The following TAOK1 variants were observed in gnomAD, a reference collection of about 807,000 sequenced individuals.
The protein encoded by TAOK1 is serine/threonine-protein kinase TAO1.
Under a neutral mutation model 138.3 loss-of-function variants are expected in TAOK1, and 21 were observed. The ratio of observed to expected loss-of-function variants is 0.15; its 90% CI spans 0.11 to 0.22. The LOEUF (loss-of-function observed/expected upper bound fraction) is 0.22. Among genes scored for constraint, TAOK1 ranks in the 10% least tolerant of loss-of-function variants. The pLI, the probability that TAOK1 is intolerant of heterozygous loss-of-function variation, is 1.00. For missense variants in TAOK1, 651 were observed against 1,227.7 expected (o/e 0.53, Z 7.02); for synonymous variants, 361 against 398.4 (o/e 0.91, Z 1.12).
At chr17:29,524,842 G>A (rs1356591213) in intron 17 of TAOK1, among the ~76,000 whole-genome samples, 2 of 152,118 alleles carry the variant, frequency 1.3e-5, no homozygotes, top group Non-Finnish European at 2.9e-5. Flanking sequence ...TATGGAAAGG[G>A]TTGGGTGAAA....
rs754156663 is a variant in TAOK1 at position 29,451,528 on chromosome 17, G to A, written c.-21G>A. 10 of 1,599,808 alleles carry A rather than the reference G, an allele frequency of 6.3e-6. No individual in the cohort carries two copies. Among genetic ancestry groups the A allele is most frequent in the Non-Finnish European group, 8.5e-6 (10 of 1,174,522 alleles). On this transcript the variant is annotated 5_prime_UTR_variant, in exon 2 of 20. Transcript: ENST00000261716. ...GATAGCAGTATAAAATTAGAATCAA[G>A]ACAGCTGACTGCTCAGCAGGATGCC...
chr17:29,432,811 CTCTG>C (rs1198282391), intron 1 of TAOK1, among the ~76,000 whole-genome samples: 1 of 151,596 alleles, frequency 6.6e-6, no homozygotes, highest in Non-Finnish European at 1.5e-5. Context: ...CAGAGTTGTG[CTCTG>C]TCTCTCAGAT....
Position 29,544,892 on chromosome 17 carries a change from A to C in TAOK1, c.*1870A>C, listed in dbSNP as rs2032377762. 6.6e-6 allele frequency: 1 copy of C among 152,222 alleles called. No individual in the cohort carries two copies. Among genetic ancestry groups the C allele is most frequent in the Non-Finnish European group, 1.5e-5 (1 of 68,044 alleles). 9.4% of individuals were successfully genotyped at this position (152,222 alleles called of 1,614,324 possible). A position where few individuals can be genotyped will look rare whatever the true frequency, so the allele number is the denominator to read the frequency against. ...TAGACCAAACTAATGACCAAACAGT[A>C]ATCAATCTATCACTGTTGAAGTCCT... is the stretch of plus-strand genomic sequence containing the variant. On this transcript the variant is annotated 3_prime_UTR_variant, in exon 20 of 20. Transcript: ENST00000261716.
At chr17:29,425,350 G>T (rs1418915373) in intron 1 of TAOK1, among the ~76,000 whole-genome samples, 13 of 152,160 alleles carry the variant, frequency 8.5e-5, no homozygotes. Flanking sequence ...TGGGATTGCA[G>T]GTGGGAGCCA....
At chr17:29,496,792 G>A (rs2031424385) in intron 11 of TAOK1, among the ~76,000 whole-genome samples, 1 of 151,622 alleles carries the variant, frequency 6.6e-6, no homozygotes, top group African/African-American at 2.4e-5. Context: ...CGCTATGTTG[G>A]CCAGGCTGTT....
chr17:29,415,559 T>C (rs1905248161), intron 1 of TAOK1, among the ~76,000 whole-genome samples: 1 of 152,244 alleles, frequency 6.6e-6, no homozygotes. Context: ...ATGGTACTTC[T>C]TTGTAGTTTT....
chr17:29,539,077 A>T (rs1473096603), intron 19 of TAOK1, among the ~76,000 whole-genome samples: 3 of 151,942 alleles, frequency 2.0e-5, no homozygotes, highest in Non-Finnish European at 4.4e-5. Flanking sequence ...TGGCAACATG[A>T]TGAAACCCCG....
chr17:29,518,224 G>A (rs1191035659), intron 16 of TAOK1, among the ~76,000 whole-genome samples: 4 of 152,060 alleles, frequency 2.6e-5, no homozygotes, highest in South Asian at 4.1e-4. Context: ...ACTGTAATCC[G>A]AACACTTTGG....
chr17:29,440,176 C>A (rs2029897117), intron 1 of TAOK1, among the ~76,000 whole-genome samples: 1 of 152,080 alleles, frequency 6.6e-6, no homozygotes, highest in African/African-American at 2.4e-5. Flanking sequence ...TTTTAACTTG[C>A]ATTTTTAAAA....
At chr17:29,504,072 C>T (rs1236410691) in intron 13 of TAOK1, among the ~76,000 whole-genome samples, 1 of 149,498 alleles carries the variant, frequency 6.7e-6, no homozygotes, top group Non-Finnish European at 1.5e-5. Flanking sequence ...GATAGTCCCT[C>T]TGCACTCCAG....
At chr17:29,486,296 GA>G (rs1031174343) in intron 8 of TAOK1, among the ~76,000 whole-genome samples, 5 of 151,508 alleles carry the variant, frequency 3.3e-5, no homozygotes, top group Non-Finnish European at 7.4e-5. Flanking sequence ...CTCAAAAAAA[GA>G]AAAAAAAGTT....
chr17:29,488,649 A>T (rs1443059640), intron 8 of TAOK1, among the ~76,000 whole-genome samples: 11 of 151,406 alleles, frequency 7.3e-5, no homozygotes, highest in Admixed American at 6.6e-4. Flanking sequence ...TTTTTCGCCA[A>T]ATATTTTCAG....
chr17:29,419,875 G>T (rs1329728033), intron 1 of TAOK1, among the ~76,000 whole-genome samples: 1 of 151,788 alleles, frequency 6.6e-6, no homozygotes, highest in Non-Finnish European at 1.5e-5. Flanking sequence ...ACATAAAATT[G>T]TTTTTTTGTT....
intron 17 of TAOK1, among the ~76,000 whole-genome samples, chr17:29,526,819 TAA>T (rs71138830): frequency 1.4e-4 from 7 of 50,948 alleles, no homozygotes; most frequent in African/African-American, 4.3e-4. Flanking sequence ...TCTCATCTCT[TAA>T]AAAAAAAAAA....
At chr17:29,500,689 C>T (rs991362349) in intron 12 of TAOK1, among the ~76,000 whole-genome samples, 5 of 150,550 alleles carry the variant, frequency 3.3e-5, no homozygotes, top group Non-Finnish European at 4.4e-5. Flanking sequence ...TGCAGTGAGC[C>T]GAGATCATGC....
At chr17:29,515,445 A>G (rs2031797235) in intron 15 of TAOK1, among the ~76,000 whole-genome samples, 1 of 152,192 alleles carries the variant, frequency 6.6e-6, no homozygotes, top group Non-Finnish European at 1.5e-5. Context: ...CTTCGAAGTT[A>G]GGAACCATCA....
chr17:29,543,501 A>C lies in TAOK1; in HGVS notation c.*479A>C, dbSNP rs1273805894. Reference sequence around the variant, plus strand: ...CACTCACAGCAGGCAGCATATGTTGAAATAAGTTATTACTGGTACACACCT... The same window carrying C: ...CACTCACAGCAGGCAGCATATGTTGCAATAAGTTATTACTGGTACACACCT... On this transcript the variant is annotated 3_prime_UTR_variant, in exon 20 of 20. Transcript: ENST00000261716. The C allele has an allele frequency of 6.5e-6, 1 of 153,128 alleles. No individual in the cohort carries two copies. Among genetic ancestry groups the C allele is most frequent in the African/African-American group, 2.4e-5 (1 of 41,438 alleles). The allele number at this position is 153,128 out of a possible 1,614,324, so 9.5% of individuals were successfully genotyped here.
At chr17:29,411,461 A>G (rs147287326) in intron 1 of TAOK1, among the ~76,000 whole-genome samples, 5,982 of 150,160 alleles carry the variant, frequency 0.04, 174 homozygotes, top group Non-Finnish European at 0.062. Flanking sequence ...GTAGGATCTC[A>G]GCTTACTGCA....
chr17:29,525,642 A>T lies in TAOK1; in HGVS notation c.2148+3123A>T, dbSNP rs925077313. Among the ~76,000 whole-genome samples, 3 of 150,882 alleles carry T rather than the reference A, an allele frequency of 2.0e-5. No homozygotes were observed. In the East Asian group the frequency reaches 6.1e-4, roughly 30 times the overall value. ...ACTCCTGACCTCAGGTGATCCACCC[A>T]CCTCAGCTTCCCAAACTGCTAGGAT... On this transcript the variant is annotated intron_variant, in intron 17 of 19. Coordinates refer to ENST00000261716, the MANE Select transcript of TAOK1 (RefSeq NM_020791.4).
Sources: gnomAD v4.1 joint callset for allele counts (sites outside exome capture counted in the v4.1 genomes callset) on GRCh38, gnomAD v4.1.1 for gene constraint, MANE v1.5 for transcripts, NCBI Gene and HGNC (gene_info 2026-07-23, HGNC 2026-07-21) for gene names.